Variants in AFTPH observed in about 807,000 individuals in gnomAD.
AFTPH encodes aftiphilin, also known as aftiphilin protein.
AFTPH carries 7 observed loss-of-function variants against 72.5 expected under a neutral mutation model. That is an observed-to-expected ratio of 0.10 (90% CI 0.05 to 0.18). The LOEUF is 0.18. Among genes scored for constraint, AFTPH ranks in the 10% least tolerant of loss-of-function variants. The pLI, the probability that AFTPH is intolerant of heterozygous loss-of-function variation, is 1.00. For synonymous variants in AFTPH, 337 were observed against 370.1 expected (o/e 0.91, Z 1.03); for missense variants, 979 against 1,060.5 (o/e 0.92, Z 1.07).
At chr2:64,581,215 C>G in intron 7 of AFTPH, 1 of 1,600,160 alleles carries the variant, frequency 6.2e-7, no homozygotes, top group Non-Finnish European at 8.5e-7. Context: ...CTCTTCTGAA[C>G]CTTGATTTCT....
chr2:64,565,243 C>T (rs1233368072), intron 2 of AFTPH, among the ~76,000 whole-genome samples: 1 of 151,586 alleles, frequency 6.6e-6, no homozygotes, highest in African/African-American at 2.4e-5. Context: ...TTTGGGAGAC[C>T]GAGGTGGGTG....
chr2:64,587,217 C>G (rs1673571451), intron 8 of AFTPH, among the ~76,000 whole-genome samples: 1 of 152,176 alleles, frequency 6.6e-6, no homozygotes, highest in Non-Finnish European at 1.5e-5. Context: ...AGGGAATGAA[C>G]TAATAATGTA....
exon 2 of AFTPH, chr2:64,552,200 G>T: frequency 6.2e-7 from 1 of 1,613,864 alleles, no homozygotes; most frequent in Non-Finnish European, 8.5e-7. Flanking sequence ...AAAAGGAAAG[G>T]ATACAATTAG....
intron 1 of AFTPH, among the ~76,000 whole-genome samples, chr2:64,525,306 G>T (rs1359220534): frequency 6.6e-6 from 1 of 152,254 alleles, no homozygotes; most frequent in East Asian, 1.9e-4. Context: ...CAGAGGCAGA[G>T]TATGGAGTGA....
chr2:64,585,466 A>G (rs1673449744), exon 8 of AFTPH: 9 of 1,613,808 alleles, frequency 5.6e-6, no homozygotes, highest in Middle Eastern at 3.3e-4. Context: ...TAAGCTGGAA[A>G]TCTCCACCTC....
At chr2:64,554,478 G>A (rs973495959) in intron 2 of AFTPH, among the ~76,000 whole-genome samples, 4 of 152,146 alleles carry the variant, frequency 2.6e-5, no homozygotes, top group African/African-American at 7.2e-5. Context: ...TATTTCTCCA[G>A]TTATCTTCTG....
At chr2:64,565,051 C>A (rs1270605991) in intron 2 of AFTPH, among the ~76,000 whole-genome samples, 2 of 151,890 alleles carry the variant, frequency 1.3e-5, no homozygotes, top group Non-Finnish European at 2.9e-5. Flanking sequence ...GTTGGCCAGG[C>A]TGGTTTCAAA....
At chr2:64,566,766 A>G (rs971511981) in intron 2 of AFTPH, among the ~76,000 whole-genome samples, 3 of 147,310 alleles carry the variant, frequency 2.0e-5, no homozygotes, top group African/African-American at 8.1e-5. Context: ...TAGTTAATAA[A>G]AATACTTTAA....
At chr2:64,563,246 T>C (rs1671843858) in intron 2 of AFTPH, among the ~76,000 whole-genome samples, 2 of 152,234 alleles carry the variant, frequency 1.3e-5, no homozygotes, top group Non-Finnish European at 2.9e-5. Context: ...CTGATTTATT[T>C]GCATATGTTA....
At chr2:64,572,822 G>T in intron 5 of AFTPH, 124 bp from the exon 6 acceptor site, 1 of 1,257,340 alleles carries the variant, frequency 8.0e-7, no homozygotes, top group Non-Finnish European at 1.1e-6. Flanking sequence ...AAAAAGACTA[G>T]TTCCTTTTTG....
At chr2:64,561,503 G>A (rs770318886) in intron 2 of AFTPH, among the ~76,000 whole-genome samples, 1 of 152,016 alleles carries the variant, frequency 6.6e-6, no homozygotes, top group Non-Finnish European at 1.5e-5. Flanking sequence ...ATAGTGAGAC[G>A]CCATCTCTAC....
chr2:64,551,706 C>G (rs749988767), exon 2 of AFTPH: 5 of 1,613,790 alleles, frequency 3.1e-6, no homozygotes, highest in Non-Finnish European at 4.2e-6. Flanking sequence ...TGTAGATAGC[C>G]TTACAAGCTT....
At chr2:64,584,650 G>A (rs1267249634) in intron 7 of AFTPH, among the ~76,000 whole-genome samples, 2 of 138,248 alleles carry the variant, frequency 1.4e-5, no homozygotes, top group Non-Finnish European at 3.0e-5. Context: ...AGGCTGGAGT[G>A]CAGTGGCGTG....
intron 5 of AFTPH, among the ~76,000 whole-genome samples, chr2:64,571,579 C>G (rs561865443): frequency 7.2e-5 from 11 of 152,286 alleles, no homozygotes; most frequent in African/African-American, 2.6e-4. Flanking sequence ...ATTCTGCAAA[C>G]TGTTTTAGTT....
chr2:64,572,227 A>AG lies in AFTPH; in HGVS notation c.2272-719_2272-718insG, dbSNP rs973270125. ...AGGAGCAAAACTCTGTCTCAAAAAA[A>AG]AAAAAAAAAGGTGTATTAGATTTGT... On this transcript the variant is annotated intron_variant, in intron 5 of 8. Transcript: ENST00000238856. Among the ~76,000 whole-genome samples, 10 of 151,952 alleles carry AG rather than the reference A, an allele frequency of 6.6e-5. 1 individual carries two copies. The highest frequency in any genetic ancestry group is 2.6e-4 in the Admixed American group (4 of 15,240).
chr2:64,576,074 TACACACACACACAC>T (rs55774717), intron 6 of AFTPH, among the ~76,000 whole-genome samples: 1,508 of 127,754 alleles, frequency 0.012, 14 homozygotes, highest in African/African-American at 0.013. Context: ...TTTGGCATGC[TACACACACACACAC>T]ACACACACAC....
At chr2:64,581,352 G>A in intron 7 of AFTPH, 79 bp downstream of exon 8, 1 of 1,176,682 alleles carries the variant, frequency 8.5e-7, no homozygotes, top group South Asian at 1.5e-5. Context: ...CTATAAACAA[G>A]GAAACAAGTA....
chr2:64,565,447 C>A, intron 2 of AFTPH, among the ~76,000 whole-genome samples: 1 of 141,452 alleles, frequency 7.1e-6, no homozygotes, highest in Non-Finnish European at 1.5e-5. Context: ...TAAACTCCAA[C>A]CTGGGTGACA....
chr2:64,567,524 T>A (rs751001648), intron 2 of AFTPH, 38 bp from the exon 3 acceptor site: 1 of 1,576,956 alleles, frequency 6.3e-7, no homozygotes, highest in South Asian at 1.2e-5. Flanking sequence ...TTATCAAAAT[T>A]AAATGAAAAT....
Sources: gnomAD v4.1 joint callset for allele counts (sites outside exome capture counted in the v4.1 genomes callset) on GRCh38, gnomAD v4.1.1 for gene constraint, MANE v1.5 for transcripts, NCBI Gene and HGNC (gene_info 2026-07-23, HGNC 2026-07-21) for gene names.